Variants in TINCR observed in about 807,000 individuals in gnomAD.
The protein encoded by TINCR is TINCR-encoded ubiquitin-like protein.
chr19:5,566,328 A>G (rs1333943704), intron 1 of TINCR, among the ~76,000 whole-genome samples: 2 of 152,096 alleles, frequency 1.3e-5, no homozygotes, highest in African/African-American at 4.8e-5. Context: ...CAGCGGGAAG[A>G]GACAGAAATG....
downstream of TINCR, chr19:5,561,248 CTGAA>C (rs866984618): frequency 3.2e-5 from 5 of 153,908 alleles, no homozygotes; most frequent in Non-Finnish European, 7.3e-5. Context: ...CACAGCAGAG[CTGAA>C]AGGCTCAAGG....
chr19:5,566,544 C>G (rs1037591589), intron 1 of TINCR, among the ~76,000 whole-genome samples: 1 of 148,790 alleles, frequency 6.7e-6, no homozygotes, highest in Non-Finnish European at 1.5e-5. Context: ...GAGAGATGCG[C>G]GCACACACAG....
rs1228634400 is a variant in TINCR, at chr19:5,563,331, T to TGG, written c.261-384_261-383dup. On this transcript the variant is annotated intron_variant, in intron 1 of 1. Transcript: ENST00000646160. This position sits in a 1 kb window ranked among gnomAD's most constrained non-coding sequence, Gnocchi z 4.7. Reference sequence around the variant, plus strand: ...CAAGGGCAGGGGCTGCGGACCTTGGTGGGGGGCAACTGGGCTGGGCCAGGG... The same window carrying TGG: ...CAAGGGCAGGGGCTGCGGACCTTGGTGGGGGGGGCAACTGGGCTGGGCCAGGG... 4.0e-5 allele frequency among the ~76,000 whole-genome samples: 6 copies of TGG among 150,952 alleles called. No homozygotes were observed. Among genetic ancestry groups the TGG allele is most frequent in the African/African-American group, 1.2e-4 (5 of 40,948 alleles).
Position 5,565,985 on chromosome 19 carries a change from C to T in TINCR, c.260+1680G>A, listed in dbSNP as rs1375235204. The stretch of plus-strand genomic sequence containing the variant: ...CCCCAGGCCGGCAGTGAGCTGTTCC[C>T]GTGGCCCCAGCGCCCTTCTCTGCAG... On this transcript the variant is annotated intron_variant, in intron 1 of 1. Transcript: ENST00000646160. The surrounding 1 kb of genome is among the most constrained non-coding windows in gnomAD (Gnocchi z 4.0). Among the ~76,000 whole-genome samples, 3 of 152,194 alleles carry T rather than the reference C, an allele frequency of 2.0e-5. No homozygotes were observed. The highest frequency in any genetic ancestry group is 2.1e-4 in the South Asian group (1 of 4,830).
chr19:5,567,211 G>C (rs1166492297), intron 1 of TINCR, among the ~76,000 whole-genome samples: 1 of 151,872 alleles, frequency 6.6e-6, no homozygotes, highest in Non-Finnish European at 1.5e-5. Context: ...CCACAAAAGA[G>C]ATGAGAGAGA....
chr19:5,566,186 CAG>C (rs2145290410), intron 1 of TINCR, among the ~76,000 whole-genome samples: 1 of 152,036 alleles, frequency 6.6e-6, no homozygotes, highest in East Asian at 1.9e-4. Flanking sequence ...GCTTCAGAGA[CAG>C]AGAAAAACAG....
intron 1 of TINCR, among the ~76,000 whole-genome samples, chr19:5,567,356 AAAG>A (rs935356410): frequency 1.1e-4 from 16 of 152,104 alleles, no homozygotes; most frequent in African/African-American, 2.4e-4. Context: ...GACAGAGACA[AAAG>A]AAGAAGAGAC....
chr19:5,558,750 G>A (rs908079659), downstream of TINCR: 8 of 152,256 alleles, frequency 5.3e-5, no homozygotes, highest in Non-Finnish European at 1.0e-4. Context: ...ACATTCAGTG[G>A]GGGCTGCTTT....
intron 1 of TINCR, among the ~76,000 whole-genome samples, chr19:5,564,231 C>A (rs2052116200): frequency 6.6e-6 from 1 of 152,166 alleles, no homozygotes; most frequent in Admixed American, 6.5e-5. Flanking sequence ...CTTCTCTCTC[C>A]CTAGGGTACC....
chr19:5,563,650 C>CA lies in TINCR; in HGVS notation c.261-702dup, dbSNP rs2052112566. Reference sequence around the variant, plus strand: ...CGGCACCCGGCCAGGCACGGTGGCTCACGCGTGTAATCCCAGCACTTTGGG... The same window carrying CA: ...CGGCACCCGGCCAGGCACGGTGGCTCAACGCGTGTAATCCCAGCACTTTGGG... On this transcript the variant is annotated intron_variant, in intron 1 of 1. Coordinates refer to ENST00000646160, the Ensembl canonical transcript of TINCR. The surrounding 1 kb of genome is among the most constrained non-coding windows in gnomAD (Gnocchi z 4.7). Among the ~76,000 whole-genome samples the CA allele has an allele frequency of 6.6e-6, 1 of 152,094 alleles. No individual in the cohort carries two copies. Among genetic ancestry groups the CA allele is most frequent in the African/African-American group, 2.4e-5 (1 of 41,392 alleles).
In TINCR at chr19:5,563,088, G is replaced by A. The variant is rs368161804; in HGVS notation, c.261-139C>T. On this transcript the variant is annotated intron_variant, in intron 1 of 1. Coordinates refer to ENST00000646160, the Ensembl canonical transcript of TINCR. This position sits in a 1 kb window ranked among gnomAD's most constrained non-coding sequence, Gnocchi z 4.7. Reference sequence around the variant, plus strand: ...GGCAGCGAGGAGGCCTGTGTGGCTGGAGCAGAGTGAGGAAGGGGAAGAGAG... The same window carrying A: ...GGCAGCGAGGAGGCCTGTGTGGCTGAAGCAGAGTGAGGAAGGGGAAGAGAG... The A allele has an allele frequency of 1.3e-5, 2 of 152,908 alleles. No homozygotes were observed. Among genetic ancestry groups the A allele is most frequent in the Admixed American group, 6.6e-5 (1 of 15,260 alleles). 9.5% of individuals were successfully genotyped at this position (152,908 alleles called of 1,614,324 possible).
chr19:5,563,783 C>T lies in TINCR; in HGVS notation c.261-834G>A, dbSNP rs1049474177. 6.6e-6 allele frequency among the ~76,000 whole-genome samples: 1 copy of T among 152,034 alleles called. No individual in the cohort carries two copies. Among genetic ancestry groups the T allele is most frequent in the Non-Finnish European group, 1.5e-5 (1 of 68,002 alleles). On this transcript the variant is annotated intron_variant, in intron 1 of 1. Coordinates refer to ENST00000646160, the Ensembl canonical transcript of TINCR. This position sits in a 1 kb window ranked among gnomAD's most constrained non-coding sequence, Gnocchi z 4.7. ...CAAAAAAATTAGCCAGGCATGGTGG[C>T]GGGCGCCTGTAATCCCAGCTACTCA...
At chr19:5,558,567 T>C (rs953490765), downstream of TINCR, 16 of 152,398 alleles carry the variant, frequency 1.0e-4, no homozygotes, top group African/African-American at 3.9e-4. Context: ...GTGAGCTTTC[T>C]CCAGATCCAA....
intron 1 of TINCR, 42 bp downstream of exon 1, chr19:5,567,623 G>GCCCCCCCCCCCCCCCCCCCCCCC: frequency 9.1e-6 from 3 of 328,350 alleles, no homozygotes; most frequent in Non-Finnish European, 1.1e-5. Flanking sequence ...GGGGTCCCCG[G>GCCCCCCCCCCCCCCCCCCCCCCC]CCGCCGCCCC....
chr19:5,562,095 TAG>T (rs1165940259), downstream of TINCR: 1 of 152,698 alleles, frequency 6.5e-6, no homozygotes, highest in Non-Finnish European at 1.5e-5. This position sits in a 1 kb window ranked among gnomAD's most constrained non-coding sequence, Gnocchi z 4.4. Flanking sequence ...GAGTGAGATC[TAG>T]GCTCCCGGGA....
downstream of TINCR, chr19:5,560,924 A>G (rs1426580047): frequency 6.5e-6 from 1 of 153,986 alleles, no homozygotes; most frequent in East Asian, 1.9e-4. This position sits in a 1 kb window ranked among gnomAD's most constrained non-coding sequence, Gnocchi z 4.5. Flanking sequence ...AAAGAAGGCT[A>G]GGTGCTCTCT....
At chr19:5,567,861 C>A in exon 1 of TINCR, 1 of 393,118 alleles carries the variant, frequency 2.5e-6, no homozygotes, top group Non-Finnish European at 4.5e-6. Flanking sequence ...AGCGCCTCGT[C>A]CGCCAGGTGC....
chr19:5,559,019 G>A (rs372795870), downstream of TINCR: 1 of 152,404 alleles, frequency 6.6e-6, no homozygotes, highest in African/African-American at 2.4e-5. Context: ...CCCGACCCAG[G>A]TCATCATCAA....
At chr19:5,559,111 G>A (rs939485748), downstream of TINCR, 10 of 152,032 alleles carry the variant, frequency 6.6e-5, no homozygotes, top group African/African-American at 2.2e-4. Flanking sequence ...CATGCGATTT[G>A]CATGTGATTT....
Sources: gnomAD v4.1 joint callset for allele counts (sites outside exome capture counted in the v4.1 genomes callset) on GRCh38, gnomAD v4.1.1 for gene constraint, Gnocchi (gnomAD v3.1) non-coding constraint, MANE v1.5 for transcripts, NCBI Gene and HGNC (gene_info 2026-07-23, HGNC 2026-07-21) for gene names.